Variants in ERGIC1 observed in about 807,000 individuals in gnomAD.
ERGIC1 encodes the protein endoplasmic reticulum-Golgi intermediate compartment protein 1.
ERGIC1 carries 19 observed loss-of-function variants against 38.3 expected under a neutral mutation model. That is an observed-to-expected ratio of 0.50 (90% CI 0.35 to 0.73). The LOEUF is 0.73. Ranked by LOEUF, ERGIC1 falls within the 30% of genes least tolerant of loss-of-function variation. The pLI is 0.01. For synonymous variants in ERGIC1, 124 were observed against 157.6 expected, an observed-to-expected ratio of 0.79 and a Z score of 1.60; for missense variants, 294 against 389.2, an observed-to-expected ratio of 0.76 and a Z score of 2.06.
rs140711451 is a variant in ERGIC1, at chr5:172,846,354, G to GT, written c.20+11922dup. 0.014 allele frequency among the ~76,000 whole-genome samples: 2,102 copies of GT among 152,338 alleles called. 29 individuals carry two copies. The highest frequency in any genetic ancestry group is 0.022 in the Non-Finnish European group (1,525 of 68,040). ...GGACGCCCAGCACTGGGCACTTTGA[G>GT]TCACTTCTGAGCCCAGCAGCGTAAG... On this transcript the variant is annotated intron_variant, in intron 1 of 9. Coordinates refer to ENST00000393784, the MANE Select transcript of ERGIC1 (RefSeq NM_001031711.3). The surrounding 1 kb of genome is among the most constrained non-coding windows in gnomAD (Gnocchi z 4.0).
chr5:172,910,467 T>C (rs1265705820), intron 4 of ERGIC1, among the ~76,000 whole-genome samples: 1 of 151,870 alleles, frequency 6.6e-6, no homozygotes, highest in Non-Finnish European at 1.5e-5. Context: ...GGCTGGGAGA[T>C]TCCCTTTTTG....
intron 5 of ERGIC1, chr5:172,920,676 A>G (rs538622): frequency 0.37 from 196,046 of 529,926 alleles, 37,808 homozygotes; most frequent in African/African-American, 0.46. Context: ...ACAGCCTCGC[A>G]CGGCCCGGCA....
At chr5:172,906,127 T>C (rs568828450) in intron 3 of ERGIC1, 1 of 456,160 alleles carries the variant, frequency 2.2e-6, no homozygotes, top group African/African-American at 2.0e-5. Context: ...TCCAGCTCCT[T>C]TGCTCTTGGT....
chr5:172,894,988 G>A (rs562585096), intron 2 of ERGIC1, among the ~76,000 whole-genome samples: 4 of 152,358 alleles, frequency 2.6e-5, no homozygotes, highest in Admixed American at 2.6e-4. Context: ...ATCGATATAT[G>A]TAAATAGATA....
At chr5:172,899,311 C>CTTTTTT (rs34478179) in intron 3 of ERGIC1, among the ~76,000 whole-genome samples, 4 of 82,852 alleles carry the variant, frequency 4.8e-5, no homozygotes, top group African/African-American at 1.5e-4. Flanking sequence ...GGAGTTACTT[C>CTTTTTT]TTTTTTTTTT....
intron 8 of ERGIC1, chr5:172,934,228 T>C (rs1353497772): frequency 1.3e-5 from 2 of 152,462 alleles, no homozygotes; most frequent in African/African-American, 4.8e-5. Context: ...GCTCAGCATG[T>C]GGGGTTGGGG....
intron 1 of ERGIC1, among the ~76,000 whole-genome samples, chr5:172,848,331 G>A (rs1005336359): frequency 3.3e-5 from 5 of 152,204 alleles, no homozygotes; most frequent in Non-Finnish European, 5.9e-5. Context: ...ATTTTCCATT[G>A]TGATGAGTGC....
At chr5:172,916,089 TC>T (rs1763358508) in intron 5 of ERGIC1, 1 of 157,190 alleles carries the variant, frequency 6.4e-6, no homozygotes, top group Non-Finnish European at 1.4e-5. Flanking sequence ...GTGTGTGCTG[TC>T]CCTTCCCACA....
At chr5:172,944,826 GA>G (rs1008471539) in intron 9 of ERGIC1, among the ~76,000 whole-genome samples, 4 of 152,194 alleles carry the variant, frequency 2.6e-5, no homozygotes, top group African/African-American at 9.7e-5. Flanking sequence ...ACTTAGTGGA[GA>G]GGGGCACCTG....
At chr5:172,881,255 G>GAA (rs796184994) in intron 1 of ERGIC1, among the ~76,000 whole-genome samples, 1 of 143,484 alleles carries the variant, frequency 7.0e-6, no homozygotes, top group African/African-American at 2.5e-5. Flanking sequence ...CTCAAAAAAA[G>GAA]AAAAAAAAAA....
At chr5:172,867,402 G>A (rs1761894628) in intron 1 of ERGIC1, 1 of 397,922 alleles carries the variant, frequency 2.5e-6, no homozygotes, top group South Asian at 1.8e-5. Context: ...GCTGTGAACT[G>A]CTGGCTGCTG....
intron 9 of ERGIC1, chr5:172,936,550 A>C (rs976210029): frequency 5.3e-5 from 8 of 152,310 alleles, no homozygotes; most frequent in Admixed American, 1.3e-4. Flanking sequence ...AAGAGGAAAG[A>C]GTGGGTGCCA....
At chr5:172,930,941 C>T (rs554607443) in intron 7 of ERGIC1, among the ~76,000 whole-genome samples, 12 of 152,222 alleles carry the variant, frequency 7.9e-5, no homozygotes, top group African/African-American at 1.2e-4. Context: ...CTGGGCTCTG[C>T]GGCTGCAGGA....
chr5:172,899,311 C>CTTTTT (rs34478179), intron 3 of ERGIC1, among the ~76,000 whole-genome samples: 19 of 82,830 alleles, frequency 2.3e-4, no homozygotes, highest in Non-Finnish European at 2.9e-4. Context: ...GGAGTTACTT[C>CTTTTT]TTTTTTTTTT....
chr5:172,890,177 C>T (rs1762522621), intron 2 of ERGIC1, among the ~76,000 whole-genome samples: 2 of 152,186 alleles, frequency 1.3e-5, no homozygotes, highest in South Asian at 4.1e-4. Flanking sequence ...GGCATCTTGC[C>T]TCCATGGGAT....
In ERGIC1 at chr5:172,897,014, G is replaced by A. The variant is rs1762738939; in HGVS notation, c.95G>A (p.Cys32Tyr). Residue 32 changes from cysteine (C) to tyrosine (Y), a missense_variant, in exon 3 of 10, where the codon TGC becomes TAC. Cys to Tyr is a radical substitution (Grantham distance 194, BLOSUM62 -2). Around this residue, in one of 3 missense-constraint regions of ERGIC1, gnomAD observed 163 missense variants for 225.8 expected, o/e 0.72. Transcript: ENST00000393784. ...TTGTTTCTTCCAGTCTCCATCTGCT[G>A]CTGCCTCTTCATCCTCTTCCTCTTC... ...TYTGAIISICCCLFILFLFLS... is the reference protein window; with the variant it reads ...TYTGAIISICYCLFILFLFLS... 1.2e-6 allele frequency: 2 copies of A among 1,614,134 alleles called. No homozygotes were observed. Among genetic ancestry groups the A allele is most frequent in the Middle Eastern group, 3.3e-4 (2 of 6,062 alleles).
chr5:172,935,334 G>T, intron 9 of ERGIC1, 24 bp downstream of exon 9: 1 of 1,613,714 alleles, frequency 6.2e-7, no homozygotes, highest in Non-Finnish European at 8.5e-7. Context: ...GGCAGTGGGT[G>T]GGGCCCTGAG....
At chr5:172,853,722 C>T (rs1321133320) in intron 1 of ERGIC1, among the ~76,000 whole-genome samples, 1 of 152,218 alleles carries the variant, frequency 6.6e-6, no homozygotes, top group Non-Finnish European at 1.5e-5. Context: ...AGCCTTGGGC[C>T]TTACAGTTCT....
intron 1 of ERGIC1, among the ~76,000 whole-genome samples, chr5:172,865,482 T>C (rs1761833568): frequency 6.6e-6 from 1 of 152,252 alleles, no homozygotes; most frequent in South Asian, 2.1e-4. Context: ...AATTGAGGTA[T>C]TGCAGATTGT....
Sources: allele counts gnomAD v4.1 joint callset (sites outside exome capture counted in the v4.1 genomes callset), GRCh38; gene constraint gnomAD v4.1.1; regional missense constraint gnomAD v4.1.1; non-coding constraint Gnocchi (gnomAD v3.1); transcripts MANE v1.5; gene names NCBI Gene and HGNC (gene_info 2026-07-23, HGNC 2026-07-21).